The following THSD4 variants were observed in gnomAD, a reference collection of about 807,000 sequenced individuals.
THSD4 encodes thrombospondin type-1 domain-containing protein 4.
Under a neutral mutation model 119.0 loss-of-function variants are expected in THSD4, and 69 were observed. That is an observed-to-expected ratio of 0.58 (90% CI 0.48 to 0.71). THSD4 has a LOEUF of 0.71. Ranked by LOEUF, THSD4 falls within the 30% of genes least tolerant of loss-of-function variation. THSD4 has a pLI of 0.00. For synonymous variants in THSD4, 524 were observed against 540.4 expected (o/e 0.97, Z 0.42); for missense variants, 1,393 against 1,391.1 (o/e 1.00, Z -0.02).
At chr15:71,127,697 G>C (rs1042856137) in intron 1 of THSD4, among the ~76,000 whole-genome samples, 2 of 152,116 alleles carry the variant, frequency 1.3e-5, no homozygotes, top group Admixed American at 6.5e-5. Flanking sequence ...ATACCTGTGG[G>C]CTGTTTGTGT....
chr15:71,727,548 AAAAAAATATATATAT>A (rs1297777095), intron 8 of THSD4, among the ~76,000 whole-genome samples: 2 of 108,140 alleles, frequency 1.8e-5, no homozygotes, highest in African/African-American at 8.5e-5. Context: ...AAAAAAAAAA[AAAAAAATATATATAT>A]ATATATATAT....
At chr15:71,562,938 G>A (rs1229145348) in intron 7 of THSD4, among the ~76,000 whole-genome samples, 1 of 151,954 alleles carries the variant, frequency 6.6e-6, no homozygotes, top group Non-Finnish European at 1.5e-5. Flanking sequence ...CCTAACCTCA[G>A]GTGATCCACC....
At chr15:71,624,473 A>G (rs1055899583) in intron 7 of THSD4, among the ~76,000 whole-genome samples, 1 of 152,238 alleles carries the variant, frequency 6.6e-6, no homozygotes, top group African/African-American at 2.4e-5. Flanking sequence ...GAAATGTCCA[A>G]TAAATCTGCC....
At chr15:71,681,674 CAAAA>C (rs147593449) in intron 8 of THSD4, among the ~76,000 whole-genome samples, 3 of 100,162 alleles carry the variant, frequency 3.0e-5, no homozygotes. Context: ...AACTTCGTCT[CAAAA>C]AAAAAAAAAA....
Position 71,115,498 on chromosome 15 carries a change from C to CG in THSD4, c.-279dup, listed in dbSNP as rs1227793741. ...AAACTCTGAGCCAGAGCTCTCCGCG[C>CG]GCGCCTGAACCGCTGGCCGCCCGCG... On this transcript the variant is annotated 5_prime_UTR_variant, in exon 1 of 18. Coordinates refer to ENST00000261862, the MANE Select transcript of THSD4 (RefSeq NM_024817.3). The surrounding 1 kb of genome is among the most constrained non-coding windows in gnomAD (Gnocchi z 4.4). 6 of 151,922 alleles carry CG rather than the reference C, an allele frequency of 3.9e-5. No homozygotes were observed. Among genetic ancestry groups the CG allele is most frequent in the African/African-American group, 1.4e-4 (6 of 41,412 alleles). 9.4% of individuals were successfully genotyped at this position (151,922 alleles called of 1,614,324 possible). A position where few individuals can be genotyped will look rare whatever the true frequency, so the allele number is the denominator to read the frequency against.
chr15:71,488,362 T>A (rs2047854962), intron 7 of THSD4, among the ~76,000 whole-genome samples: 1 of 152,220 alleles, frequency 6.6e-6, no homozygotes, highest in African/African-American at 2.4e-5. Context: ...TATTTAGAAT[T>A]TTTGCATAAG....
At chr15:71,198,267 T>C (rs947103479) in intron 3 of THSD4, among the ~76,000 whole-genome samples, 4 of 151,722 alleles carry the variant, frequency 2.6e-5, no homozygotes, top group Non-Finnish European at 5.9e-5. Flanking sequence ...ACACTGTCTT[T>C]AGAGAAAAAA....
intron 6 of THSD4, among the ~76,000 whole-genome samples, chr15:71,366,677 C>G (rs2045969932): frequency 6.6e-6 from 1 of 152,178 alleles, no homozygotes; most frequent in Non-Finnish European, 1.5e-5. Flanking sequence ...GTCTGGCTCT[C>G]TCCCCAGTCT....
intron 7 of THSD4, among the ~76,000 whole-genome samples, chr15:71,652,287 T>TA (rs959632165): frequency 6.6e-6 from 1 of 152,106 alleles, no homozygotes; most frequent in African/African-American, 2.4e-5. Flanking sequence ...CCTGAGACAC[T>TA]AAAAAATTAC....
At chr15:71,305,173 C>T (rs983582550) in intron 6 of THSD4, among the ~76,000 whole-genome samples, 27 of 152,174 alleles carry the variant, frequency 1.8e-4, no homozygotes, top group Non-Finnish European at 2.9e-5. Flanking sequence ...CTTGGCTAAT[C>T]GTATACCAAC....
chr15:71,669,027 A>G (rs2051470330), intron 8 of THSD4, among the ~76,000 whole-genome samples: 1 of 152,216 alleles, frequency 6.6e-6, no homozygotes, highest in Non-Finnish European at 1.5e-5. Context: ...GACTCTTGGC[A>G]GAAGAATTTG....
At chr15:71,233,022 T>C (rs933713782) in intron 4 of THSD4, among the ~76,000 whole-genome samples, 4 of 152,192 alleles carry the variant, frequency 2.6e-5, no homozygotes, top group African/African-American at 9.6e-5. Flanking sequence ...ATTGTTCTTC[T>C]TCCCACAGGC....
At position 71,645,740 on chromosome 15, in the gene THSD4, A is replaced by G. The variant is rs535086681; in HGVS notation, c.1153-14790A>G. 5.3e-5 allele frequency among the ~76,000 whole-genome samples: 8 copies of G among 152,298 alleles called. No homozygotes were observed. In the East Asian group the frequency reaches 1.3e-3, roughly 26 times the overall value. On this transcript the variant is annotated intron_variant, in intron 7 of 17. Transcript: ENST00000261862. ...TGCAACAGAAAACAAAATGTTTGGG[A>G]GAGGTTTTAGTACCAGCACTTCAGG... is the stretch of plus-strand genomic sequence containing the variant.
intron 6 of THSD4, among the ~76,000 whole-genome samples, chr15:71,279,544 CCTT>C (rs1306498464): frequency 1.3e-5 from 2 of 152,206 alleles, no homozygotes; most frequent in African/African-American, 4.8e-5. Context: ...TTATCAGCCT[CCTT>C]CTGCATATGT....
At position 71,776,234 on chromosome 15, in the gene THSD4, A is replaced by G. The variant is rs192094172; in HGVS notation, c.2915-998A>G. ...AACATATTATAATATCAATTACATT[A>G]AAATTAAAAATCTCTGTTTATCAAT... On this transcript the variant is annotated intron_variant, in intron 17 of 17. Transcript: ENST00000261862. Among the ~76,000 whole-genome samples, 459 of 152,366 alleles carry G rather than the reference A, an allele frequency of 3.0e-3. 3 individuals carry two copies. Among genetic ancestry groups the G allele is most frequent in the Admixed American group, 5.6e-3 (85 of 15,304 alleles).
At chr15:71,434,327 A>G (rs1164021888) in intron 7 of THSD4, among the ~76,000 whole-genome samples, 2 of 151,980 alleles carry the variant, frequency 1.3e-5, no homozygotes, top group Admixed American at 6.6e-5. Context: ...GATGAAGCAG[A>G]TCAGTGCAAA....
intron 3 of THSD4, among the ~76,000 whole-genome samples, chr15:71,200,653 T>C (rs1222351499): frequency 6.6e-6 from 1 of 152,192 alleles, no homozygotes; most frequent in Admixed American, 6.5e-5. Flanking sequence ...AGTAACCAAA[T>C]AGTTTTTTTC....
At chr15:71,712,608 A>G (rs2052538576) in intron 8 of THSD4, among the ~76,000 whole-genome samples, 1 of 152,220 alleles carries the variant, frequency 6.6e-6, no homozygotes, top group Admixed American at 6.5e-5. Context: ...AAAATTAAGA[A>G]ACAAAATACT....
intron 15 of THSD4, among the ~76,000 whole-genome samples, chr15:71,763,777 G>A (rs530193711): frequency 3.3e-5 from 5 of 151,566 alleles, no homozygotes; most frequent in East Asian, 2.0e-4. Flanking sequence ...TTAATTAGTC[G>A]GGCAAGGCCT....
Sources: gnomAD v4.1 joint callset for allele counts (sites outside exome capture counted in the v4.1 genomes callset) on GRCh38, gnomAD v4.1.1 for gene constraint, Gnocchi (gnomAD v3.1) non-coding constraint, MANE v1.5 for transcripts, NCBI Gene and HGNC (gene_info 2026-07-23, HGNC 2026-07-21) for gene names.